Variants in VPS13B observed in about 807,000 individuals in gnomAD.
VPS13B encodes the protein intermembrane lipid transfer protein VPS13B.
In VPS13B, 285 loss-of-function variants were observed where a neutral mutation model predicts 426.4. The ratio of observed to expected loss-of-function variants is 0.67; its 90% CI spans 0.61 to 0.74. The LOEUF is 0.74. Ranked by LOEUF, VPS13B falls within the 30% of genes least tolerant of loss-of-function variation. The pLI is 0.00. For missense variants in VPS13B, 4,537 were observed against 4,782.6 expected, an observed-to-expected ratio of 0.95 and a Z score of 1.51; for synonymous variants, 1,676 against 1,676.4, an observed-to-expected ratio of 1.00 and a Z score of 0.01.
chr8:99,672,308 G>C (rs1830748573), intron 35 of VPS13B, among the ~76,000 whole-genome samples: 1 of 152,032 alleles, frequency 6.6e-6, no homozygotes, highest in Non-Finnish European at 1.5e-5. Context: ...CCGTTTTATA[G>C]TTTTCAGTGT....
intron 15 of VPS13B, among the ~76,000 whole-genome samples, chr8:99,161,732 C>CTTTTT (rs374438896): frequency 7.6e-6 from 1 of 131,066 alleles, no homozygotes; most frequent in African/African-American, 2.8e-5. Flanking sequence ...GTACTAAATC[C>CTTTTT]TTTTTTTTTT....
At chr8:99,021,851 G>A (rs1305845395) in intron 2 of VPS13B, among the ~76,000 whole-genome samples, 2 of 152,082 alleles carry the variant, frequency 1.3e-5, no homozygotes, top group African/African-American at 2.4e-5. Context: ...GGGCTCAAAT[G>A]ATCTTCCAAC....
chr8:99,290,686 C>T (rs911246922), intron 19 of VPS13B, among the ~76,000 whole-genome samples: 1 of 151,230 alleles, frequency 6.6e-6, no homozygotes, highest in Admixed American at 6.6e-5. Context: ...AAAGGTAGTT[C>T]AAGGAATGCC....
At chr8:99,672,442 G>A (rs888992143) in intron 35 of VPS13B, among the ~76,000 whole-genome samples, 66 of 152,174 alleles carry the variant, frequency 4.3e-4, no homozygotes, top group African/African-American at 1.5e-3. Context: ...GTATAGAAAT[G>A]CTATAGGTTT....
chr8:99,332,309 T>C (rs1344444865), intron 19 of VPS13B, among the ~76,000 whole-genome samples: 2 of 151,668 alleles, frequency 1.3e-5, no homozygotes, highest in African/African-American at 4.8e-5. Context: ...ATTAAATGAT[T>C]ATTTTTAACA....
At chr8:99,520,841 T>C (rs1458451933) in intron 29 of VPS13B, 58 bp from the exon 30 acceptor site, 33 of 1,355,396 alleles carry the variant, frequency 2.4e-5, no homozygotes, top group Non-Finnish European at 3.2e-5. Flanking sequence ...TTTCTCCTTA[T>C]GCATAAAGTT....
At position 99,695,466 on chromosome 8, in the gene VPS13B, C is replaced by T. The variant is rs548968380; in HGVS notation, c.6047-4059C>T. Among the ~76,000 whole-genome samples the T allele has an allele frequency of 1.2e-4, 18 of 144,252 alleles. No homozygotes were observed. In the East Asian group the frequency reaches 3.6e-3, roughly 28 times the overall value. The allele number at this position is 144,252 out of a possible 152,430, so 94.6% of individuals were successfully genotyped here. A position where few individuals can be genotyped will look rare whatever the true frequency, so the allele number is the denominator to read the frequency against. ...CGCAAGAACAAAAAACCAAACACCG[C>T]ATATTCTCACTCATAGGTGGGAATT... On this transcript the variant is annotated intron_variant, in intron 35 of 61. Transcript: ENST00000357162.
intron 31 of VPS13B, among the ~76,000 whole-genome samples, chr8:99,559,465 T>A (rs9693965): frequency 0.063 from 9,658 of 152,216 alleles, 408 homozygotes; most frequent in South Asian, 0.11. Context: ...GGTGTTTTAG[T>A]CATGAAGTCC....
At chr8:99,622,020 C>T (rs753082636) in intron 33 of VPS13B, among the ~76,000 whole-genome samples, 2 of 151,310 alleles carry the variant, frequency 1.3e-5, no homozygotes, top group Non-Finnish European at 1.5e-5. Flanking sequence ...TTAGTAGAGA[C>T]GGGGTTTCAC....
At position 99,759,973 on chromosome 8, in the gene VPS13B, T is replaced by C. The variant is rs1351665819; in HGVS notation, c.7051-6801T>C. On this transcript the variant is annotated intron_variant, in intron 39 of 61. Transcript: ENST00000357162. The stretch of plus-strand genomic sequence containing the variant: ...TTTCTTTTTCTTTTCTTTTCTTTTT[T>C]TGTATTATTGTTATTATTTTTGAGA... Among the ~76,000 whole-genome samples the C allele has an allele frequency of 4.6e-5, 7 of 152,128 alleles. 1 individual carries two copies. The highest frequency in any genetic ancestry group is 1.7e-4 in the African/African-American group (7 of 41,500).
intron 33 of VPS13B, among the ~76,000 whole-genome samples, chr8:99,624,425 A>C (rs776005921): frequency 1.3e-5 from 2 of 152,118 alleles, no homozygotes; most frequent in Non-Finnish European, 2.9e-5. Context: ...ATGCCAGTAA[A>C]AACCATAGTT....
At chr8:99,518,380 A>G (rs1016101197) in intron 29 of VPS13B, among the ~76,000 whole-genome samples, 1 of 152,194 alleles carries the variant, frequency 6.6e-6, no homozygotes, top group African/African-American at 2.4e-5. Flanking sequence ...AATGTAAACA[A>G]TGTTCATATT....
At chr8:99,106,066 T>A (rs12678371) in intron 5 of VPS13B, among the ~76,000 whole-genome samples, 111,691 of 151,966 alleles carry the variant, frequency 0.73, 41,776 homozygotes, top group South Asian at 0.87. Context: ...TATTTTCCCT[T>A]TTATTAGTTT....
At chr8:99,148,952 CCT>C (rs1434572881) in intron 14 of VPS13B, among the ~76,000 whole-genome samples, 1 of 152,226 alleles carries the variant, frequency 6.6e-6, no homozygotes, top group Non-Finnish European at 1.5e-5. Context: ...TTCATGGCCG[CCT>C]CTCTCAAGAT....
intron 25 of VPS13B, among the ~76,000 whole-genome samples, chr8:99,492,269 G>C (rs1478298413): frequency 1.3e-5 from 2 of 152,144 alleles, no homozygotes; most frequent in African/African-American, 4.8e-5. Context: ...GCCTGTATGA[G>C]GTGTCTGTCG....
intron 19 of VPS13B, among the ~76,000 whole-genome samples, chr8:99,278,690 A>G (rs957746619): frequency 2.0e-5 from 3 of 152,218 alleles, no homozygotes; most frequent in Non-Finnish European, 4.4e-5. Context: ...TAAACACTGT[A>G]TCCTTCAGTC....
intron 34 of VPS13B, among the ~76,000 whole-genome samples, chr8:99,656,061 C>G (rs957234434): frequency 6.6e-6 from 1 of 152,158 alleles, no homozygotes; most frequent in African/African-American, 2.4e-5. Context: ...TTGGGGCTTT[C>G]TGAATCTTCT....
At chr8:99,855,986 C>G (rs1225377689) in intron 56 of VPS13B, among the ~76,000 whole-genome samples, 1 of 152,206 alleles carries the variant, frequency 6.6e-6, no homozygotes, top group African/African-American at 2.4e-5. Flanking sequence ...ACGTAGGTTA[C>G]TGAGCTCCAA....
chr8:99,255,654 C>G (rs927437429), intron 17 of VPS13B, among the ~76,000 whole-genome samples: 2 of 152,060 alleles, frequency 1.3e-5, no homozygotes, highest in Non-Finnish European at 2.9e-5. Context: ...GGCCCGGGGT[C>G]AAAATTCTGG....
Sources: allele counts gnomAD v4.1 joint callset (sites outside exome capture counted in the v4.1 genomes callset), GRCh38; gene constraint gnomAD v4.1.1; transcripts MANE v1.5; gene names NCBI Gene and HGNC (gene_info 2026-07-23, HGNC 2026-07-21).